Variants in OTOGL observed in about 807,000 individuals in gnomAD.
The protein encoded by OTOGL is otogelin like, also known as otogelin-like protein.
OTOGL carries 285 observed loss-of-function variants against 318.5 expected under a neutral mutation model. That is an observed-to-expected ratio of 0.89 (90% CI 0.81 to 0.99). OTOGL has a LOEUF of 0.99. Among genes scored for constraint, OTOGL ranks in the 50% least tolerant of loss-of-function variants. The pLI is 0.00. For synonymous variants in OTOGL, 987 were observed against 936.5 expected (o/e 1.05, Z -0.99); for missense variants, 2,899 against 2,845.6 (o/e 1.02, Z -0.43).
intron 26 of OTOGL, among the ~76,000 whole-genome samples, chr12:80,286,857 T>C (rs1884669270): frequency 6.6e-6 from 1 of 152,176 alleles, no homozygotes; most frequent in African/African-American, 2.4e-5. Flanking sequence ...ATTGATTTTT[T>C]GAAGGATTTT....
intron 48 of OTOGL, 65 bp from the exon 49 acceptor site, chr12:80,356,742 G>A: frequency 1.1e-6 from 1 of 944,448 alleles, no homozygotes; most frequent in Admixed American, 2.7e-5. Flanking sequence ...TTCAAAGAGA[G>A]GTAAACACTA....
intron 1 of OTOGL, among the ~76,000 whole-genome samples, chr12:80,189,093 A>G (rs1012544442): frequency 1.3e-5 from 2 of 152,122 alleles, no homozygotes; most frequent in Admixed American, 1.3e-4. Context: ...TTTTTTGGCA[A>G]TGTGAAGAAC....
intron 34 of OTOGL, among the ~76,000 whole-genome samples, chr12:80,322,189 A>C (rs1246362136): frequency 2.0e-5 from 3 of 152,124 alleles, no homozygotes; most frequent in Non-Finnish European, 4.4e-5. Context: ...GTCCTCCTAC[A>C]CTGTGCTCTT....
chr12:80,341,842 T>C, intron 43 of OTOGL, 106 bp from the exon 44 acceptor site: 1 of 766,678 alleles, frequency 1.3e-6, no homozygotes, highest in East Asian at 2.7e-5. Flanking sequence ...TGGTACCTTA[T>C]ATGGTAAATC....
chr12:80,116,625 C>CA (rs1327616278), intron 1 of OTOGL, among the ~76,000 whole-genome samples: 3 of 152,038 alleles, frequency 2.0e-5, no homozygotes, highest in Non-Finnish European at 4.4e-5. Flanking sequence ...AAAAGTGAGG[C>CA]AAAAGCTTAG....
chr12:80,123,393 A>G (rs1399697068), intron 1 of OTOGL, among the ~76,000 whole-genome samples: 1 of 152,164 alleles, frequency 6.6e-6, no homozygotes, highest in Non-Finnish European at 1.5e-5. Context: ...GTAGTATTCT[A>G]TGGTGTATAT....
chr12:80,336,487 T>C lies in OTOGL; in HGVS notation c.4675T>C (p.Ser1559Pro). 3.1e-6 allele frequency: 5 copies of C among 1,608,784 alleles called. No individual in the cohort carries two copies. The highest frequency in any genetic ancestry group is 4.3e-6 in the Non-Finnish European group (5 of 1,175,696). ...GNNAALYSMA[S>P]YILVRIPGEI... The stretch of plus-strand genomic sequence containing the variant: ...CAACGCAGCATTATATAGCATGGCT[T>C]CTTATATCTTAGTAAGAATTCCTGG... Residue 1559 changes from serine to proline, a missense_variant, in exon 40 of 59, where the codon TCT becomes CCT. By Grantham distance (74) the Ser-to-Pro change is moderately conservative. Around this residue, in one of 3 missense-constraint regions of OTOGL, gnomAD observed 2,607 missense variants for 2,524.9 expected, o/e 1.03. Coordinates refer to ENST00000547103, the MANE Select transcript of OTOGL (RefSeq NM_001378609.3).
chr12:80,115,870 C>G (rs1870128007), intron 1 of OTOGL, among the ~76,000 whole-genome samples: 1 of 152,156 alleles, frequency 6.6e-6, no homozygotes, highest in South Asian at 2.1e-4. Flanking sequence ...ACTGCCTACT[C>G]AAGCCTCAGT....
intron 1 of OTOGL, among the ~76,000 whole-genome samples, chr12:80,114,956 C>A (rs1461800989): frequency 6.6e-6 from 1 of 151,722 alleles, no homozygotes; most frequent in Non-Finnish European, 1.5e-5. Flanking sequence ...CTGTGTTTTT[C>A]AGCTCCATCA....
At chr12:80,297,598 G>A (rs926338578) in intron 27 of OTOGL, among the ~76,000 whole-genome samples, 1 of 152,156 alleles carries the variant, frequency 6.6e-6, no homozygotes, top group Non-Finnish European at 1.5e-5. Flanking sequence ...CTCCCAAAGT[G>A]CTGGGATTAC....
intron 1 of OTOGL, among the ~76,000 whole-genome samples, chr12:80,139,575 TG>T (rs1314914595): frequency 6.6e-6 from 1 of 152,196 alleles, no homozygotes; most frequent in Non-Finnish European, 1.5e-5. Context: ...GTTGTTTGTT[TG>T]TTTGATGGTT....
intron 1 of OTOGL, among the ~76,000 whole-genome samples, chr12:80,179,445 A>T (rs918059545): frequency 3.3e-5 from 5 of 152,078 alleles, no homozygotes; most frequent in South Asian, 2.1e-4. Flanking sequence ...AATACCTTTT[A>T]AAAAAAATAA....
intron 44 of OTOGL, among the ~76,000 whole-genome samples, chr12:80,345,253 T>C (rs1889121428): frequency 6.9e-6 from 1 of 144,242 alleles, no homozygotes; most frequent in African/African-American, 2.5e-5. Context: ...TTTTGAAGAG[T>C]CTTGCTCTGT....
chr12:80,117,835 A>C (rs146959576), intron 1 of OTOGL, among the ~76,000 whole-genome samples: 1 of 152,012 alleles, frequency 6.6e-6, no homozygotes, highest in Non-Finnish European at 1.5e-5. Flanking sequence ...TCTTGTTCAT[A>C]TTTTCCTGCA....
chr12:80,342,812 A>T (rs1283934439), intron 44 of OTOGL, among the ~76,000 whole-genome samples: 1 of 152,170 alleles, frequency 6.6e-6, no homozygotes, highest in Non-Finnish European at 1.5e-5. Context: ...GAGCAGATAC[A>T]TTAAAGTGTA....
chr12:80,211,286 A>G (rs1877234852), intron 3 of OTOGL, among the ~76,000 whole-genome samples: 1 of 152,102 alleles, frequency 6.6e-6, no homozygotes, highest in Non-Finnish European at 1.5e-5. Context: ...AACATTTTTT[A>G]ATGATAAAAA....
chr12:80,256,661 T>A (rs1342297543), intron 17 of OTOGL, among the ~76,000 whole-genome samples: 3 of 152,044 alleles, frequency 2.0e-5, no homozygotes. Flanking sequence ...TTACCTCAAG[T>A]GATCTAGACT....
At chr12:80,172,150 G>C (rs944764331) in intron 1 of OTOGL, among the ~76,000 whole-genome samples, 1 of 151,994 alleles carries the variant, frequency 6.6e-6, no homozygotes, top group African/African-American at 2.4e-5. Context: ...AGCCATACTT[G>C]TATGATTTCC....
intron 18 of OTOGL, among the ~76,000 whole-genome samples, chr12:80,260,199 A>T (rs974135587): frequency 2.0e-5 from 3 of 152,072 alleles, no homozygotes; most frequent in South Asian, 2.1e-4. Context: ...TTTAAAATTT[A>T]AAAAATTTTA....
Sources: gnomAD v4.1 joint callset for allele counts (sites outside exome capture counted in the v4.1 genomes callset) on GRCh38, gnomAD v4.1.1 for gene constraint, gnomAD v4.1.1 regional missense constraint, MANE v1.5 for transcripts, NCBI Gene and HGNC (gene_info 2026-07-23, HGNC 2026-07-21) for gene names.